Variants in R3HDM1 observed in about 807,000 individuals in gnomAD.
R3HDM1 encodes the protein R3H domain-containing protein 1.
A neutral mutation model predicts 141.1 loss-of-function variants in R3HDM1; 46 were observed. That is an observed-to-expected ratio of 0.33 (90% confidence interval 0.26 to 0.42). R3HDM1 has a LOEUF of 0.42. Among genes scored for constraint, R3HDM1 ranks in the 10% least tolerant of loss-of-function variants. The pLI is 1.00. For synonymous variants in R3HDM1, 435 were observed against 472.9 expected (o/e 0.92, Z 1.04); for missense variants, 1,184 against 1,368.3 (o/e 0.87, Z 2.12).
intron 23 of R3HDM1, among the ~76,000 whole-genome samples, chr2:135,713,997 T>A (rs2075922565): frequency 6.6e-6 from 1 of 151,998 alleles, no homozygotes; most frequent in Non-Finnish European, 1.5e-5. Flanking sequence ...TGTAGAATCG[T>A]GAAATTAAAA....
intron 18 of R3HDM1, among the ~76,000 whole-genome samples, chr2:135,653,174 G>A (rs2065345119): frequency 6.6e-6 from 1 of 151,902 alleles, no homozygotes. Context: ...TGGCCAACAT[G>A]ATGAAACCCC....
intron 19 of R3HDM1, among the ~76,000 whole-genome samples, chr2:135,666,735 T>C (rs1349921631): frequency 6.6e-6 from 1 of 152,134 alleles, no homozygotes; most frequent in Non-Finnish European, 1.5e-5. Flanking sequence ...GAAGGGATAA[T>C]CAAGTGTGAT....
At chr2:135,586,356 T>TGCTCTAGC (rs1707911226) in intron 1 of R3HDM1, 1 of 152,702 alleles carries the variant, frequency 6.5e-6, no homozygotes. Context: ...TGCTTTAGAC[T>TGCTCTAGC]GCTCTAGCAG....
chr2:135,589,233 T>TA (rs1474376775), intron 1 of R3HDM1, among the ~76,000 whole-genome samples: 1 of 152,172 alleles, frequency 6.6e-6, no homozygotes, highest in Non-Finnish European at 1.5e-5. Flanking sequence ...AGTAACAAGT[T>TA]ATATATATAA....
intron 15 of R3HDM1, among the ~76,000 whole-genome samples, chr2:135,644,297 G>A (rs2064135129): frequency 6.6e-6 from 1 of 152,176 alleles, no homozygotes; most frequent in South Asian, 2.1e-4. Flanking sequence ...GAGGTCAGGA[G>A]TTCGAGACCA....
rs769792698 is a variant in R3HDM1 at position 135,724,888 on chromosome 2, G to C, written c.*596G>C. On this transcript the variant is annotated 3_prime_UTR_variant, in exon 27 of 27. Transcript: ENST00000683871. ...CCCTTTCCTTATTCATTTAGGTAGT[G>C]TGAACATTAAGTATAAAATAAATTA... 1.3e-5 allele frequency: 2 copies of C among 152,504 alleles called. No individual in the cohort carries two copies. Among genetic ancestry groups the C allele is most frequent in the Non-Finnish European group, 2.9e-5 (2 of 68,032 alleles). 9.4% of individuals were successfully genotyped at this position (152,504 alleles called of 1,614,324 possible).
At chr2:135,720,305 G>A (rs1055611604) in intron 24 of R3HDM1, among the ~76,000 whole-genome samples, 1 of 152,152 alleles carries the variant, frequency 6.6e-6, no homozygotes, top group African/African-American at 2.4e-5. Flanking sequence ...GTGTTCACCC[G>A]GAAGGAGCCT....
chr2:135,562,440 AATT>A (rs1220650288), intron 1 of R3HDM1, among the ~76,000 whole-genome samples: 1 of 152,190 alleles, frequency 6.6e-6, no homozygotes, highest in African/African-American at 2.4e-5. Flanking sequence ...GCCAATTCTT[AATT>A]ATTTGGTCGC....
At chr2:135,722,390 T>A in intron 25 of R3HDM1, 79 bp from the exon 26 acceptor site, 2 of 1,445,788 alleles carry the variant, frequency 1.4e-6, no homozygotes, top group African/African-American at 1.4e-5. Context: ...AAAGGTGTTT[T>A]GGTGTTAATT....
intron 1 of R3HDM1, chr2:135,536,719 T>A (rs1429626766): frequency 3.1e-6 from 3 of 982,018 alleles, no homozygotes; most frequent in Non-Finnish European, 3.6e-6. Flanking sequence ...CAATTAACTT[T>A]GCTAACCTGT....
At chr2:135,618,531 A>G (rs1446072593) in intron 5 of R3HDM1, among the ~76,000 whole-genome samples, 7 of 149,470 alleles carry the variant, frequency 4.7e-5, no homozygotes, top group Admixed American at 3.3e-4. Flanking sequence ...TTGATATAAT[A>G]GATGCATTTT....
intron 20 of R3HDM1, among the ~76,000 whole-genome samples, chr2:135,677,648 A>C (rs1283982295): frequency 6.6e-6 from 1 of 152,128 alleles, no homozygotes; most frequent in East Asian, 1.9e-4. Context: ...TTTACATTTT[A>C]ACATTATTTT....
At chr2:135,654,902 G>GTA (rs57409498) in intron 18 of R3HDM1, among the ~76,000 whole-genome samples, 2,229 of 146,182 alleles carry the variant, frequency 0.015, 67 homozygotes, top group African/African-American at 0.037. Flanking sequence ...GTGTGTGTGT[G>GTA]TTTGTCTTTT....
intron 1 of R3HDM1, chr2:135,531,834 G>A (rs1694794962): frequency 1.2e-4 from 115 of 985,314 alleles, no homozygotes; most frequent in Non-Finnish European, 1.4e-4. Flanking sequence ...CCAGCCCGCC[G>A]TTAGGTCGGG....
intron 19 of R3HDM1, chr2:135,669,423 G>A (rs1205089070): frequency 3.0e-6 from 3 of 984,048 alleles, no homozygotes; most frequent in African/African-American, 3.5e-5. Flanking sequence ...AAGTTTCCTT[G>A]TTGATTGACA....
Position 135,636,295 on chromosome 2 carries a change from C to G in R3HDM1, c.903+112C>G, listed in dbSNP as rs1418039059. 1.1e-5 allele frequency: 15 copies of G among 1,424,470 alleles called. No homozygotes were observed. The East Asian group carries it at 3.7e-4, about 35-fold the overall frequency. The allele number at this position is 1,424,470 out of a possible 1,614,324, so 88.2% of individuals were successfully genotyped here. A position where few individuals can be genotyped will look rare whatever the true frequency, so the allele number is the denominator to read the frequency against. On this transcript the variant is annotated intron_variant, in intron 11 of 26. Transcript: ENST00000683871. The stretch of plus-strand genomic sequence containing the variant: ...CATTTATTTTTAATCACATTTGTTG[C>G]ACATAAGGTCATCTTTTAGAAATAT...
chr2:135,616,288 C>A, intron 4 of R3HDM1, 95 bp downstream of exon 4: 2 of 1,256,064 alleles, frequency 1.6e-6, no homozygotes, highest in South Asian at 1.5e-5. Context: ...CAGTTTAGTT[C>A]TTCCATATTT....
chr2:135,581,655 A>G (rs1034822701), intron 1 of R3HDM1, among the ~76,000 whole-genome samples: 16 of 152,262 alleles, frequency 1.1e-4, no homozygotes, highest in Admixed American at 7.2e-4. Context: ...ATCCCAGTTG[A>G]CCATGCCGAA....
At chr2:135,681,667 G>A (rs1450251367) in intron 21 of R3HDM1, among the ~76,000 whole-genome samples, 1 of 152,168 alleles carries the variant, frequency 6.6e-6, no homozygotes, top group Non-Finnish European at 1.5e-5. Context: ...TCTGAAGATG[G>A]AGTAGTTTTA....
Sources: allele counts gnomAD v4.1 joint callset (sites outside exome capture counted in the v4.1 genomes callset), GRCh38; gene constraint gnomAD v4.1.1; transcripts MANE v1.5; gene names NCBI Gene and HGNC (gene_info 2026-07-23, HGNC 2026-07-21).